Variants in ZNF236 observed in about 807,000 individuals in gnomAD.
ZNF236 encodes zinc finger protein 236.
A neutral mutation model predicts 191.2 loss-of-function variants in ZNF236; 50 were observed. That is an observed-to-expected ratio of 0.26 (90% CI 0.21 to 0.33). The LOEUF (loss-of-function observed/expected upper bound fraction) is 0.33, where lower values mean the gene tolerates loss of function less well. Ranked by LOEUF, ZNF236 falls within the 10% of genes least tolerant of loss-of-function variation. The probability of loss-of-function intolerance (pLI) is 1.00; values close to 1 mark genes in which losing one functional copy is unlikely to be tolerated. For missense variants in ZNF236, 1,754 were observed against 2,374.5 expected, an observed-to-expected ratio of 0.74 and a Z score of 5.43; for synonymous variants, 907 against 928.8, an observed-to-expected ratio of 0.98 and a Z score of 0.43.
At chr18:76,834,126 C>A (rs540785139) in intron 1 of ZNF236, among the ~76,000 whole-genome samples, 1 of 152,250 alleles carries the variant, frequency 6.6e-6, no homozygotes, top group East Asian at 1.9e-4. Flanking sequence ...AATTTATTAA[C>A]AGAACATTAT....
At chr18:76,904,346 A>G (rs372565972) in intron 11 of ZNF236, 34 bp from the exon 12 acceptor site, 68 of 1,572,580 alleles carry the variant, frequency 4.3e-5, no homozygotes, top group South Asian at 2.3e-4. Context: ...TAGCATTGAC[A>G]GTGAATTACA....
Position 76,955,467 on chromosome 18 carries a change from A to G in ZNF236, c.4915-518A>G, listed in dbSNP as rs186407796. Among the ~76,000 whole-genome samples the G allele has an allele frequency of 1.6e-3, 243 of 152,322 alleles. 1 individual carries two copies. The highest frequency in any genetic ancestry group is 3.3e-3 in the South Asian group (16 of 4,830). ...AATGATTTTTTCAAGTGGTGGTGGC[A>G]TCCCATTAAGATGATTTGAAAACCG... On this transcript the variant is annotated intron_variant, in intron 27 of 30. Transcript: ENST00000320610.
chr18:76,917,042 T>C (rs1017697321), intron 19 of ZNF236, among the ~76,000 whole-genome samples: 8 of 152,166 alleles, frequency 5.3e-5, no homozygotes, highest in African/African-American at 1.9e-4. Flanking sequence ...TTGCCTAAAC[T>C]CCCTCAAAGT....
intron 9 of ZNF236, among the ~76,000 whole-genome samples, chr18:76,893,464 T>G (rs1201390841): frequency 6.6e-6 from 1 of 152,208 alleles, no homozygotes; most frequent in Non-Finnish European, 1.5e-5. Context: ...TCTGTCACTG[T>G]GTTTAAAAAA....
intron 3 of ZNF236, among the ~76,000 whole-genome samples, chr18:76,853,047 T>C (rs1278070755): frequency 6.6e-6 from 1 of 152,132 alleles, no homozygotes; most frequent in Non-Finnish European, 1.5e-5. Context: ...TTATAAAATT[T>C]ACATTGTGAA....
intron 3 of ZNF236, among the ~76,000 whole-genome samples, chr18:76,863,685 C>A (rs994924834): frequency 6.6e-6 from 1 of 151,908 alleles, no homozygotes; most frequent in African/African-American, 2.4e-5. Context: ...ACCTCTGCCT[C>A]CAAAGTCCTG....
At chr18:76,879,623 G>A (rs143959962) in intron 7 of ZNF236, among the ~76,000 whole-genome samples, 1 of 152,236 alleles carries the variant, frequency 6.6e-6, no homozygotes, top group Non-Finnish European at 1.5e-5. Flanking sequence ...GGGTGGGACT[G>A]GCTCTCTCTC....
At chr18:76,842,644 G>A (rs2122466186) in intron 1 of ZNF236, among the ~76,000 whole-genome samples, 1 of 152,144 alleles carries the variant, frequency 6.6e-6, no homozygotes. Flanking sequence ...CCAGCTACTT[G>A]GGAGGCTGAG....
rs1339117575 is a variant in ZNF236 at position 76,881,333 on chromosome 18, C to G, written c.1238C>G (p.Pro413Arg). 8 of 1,614,042 alleles carry G rather than the reference C, an allele frequency of 5.0e-6. No homozygotes were observed. Among genetic ancestry groups the G allele is most frequent in the East Asian group, 4.5e-5 (2 of 44,890 alleles). The change falls in exon 9 of 31, where the codon CCT (proline) becomes CGT (arginine). Residue 413 changes from proline (P) to arginine (R), a missense_variant. By Grantham distance (103) the Pro-to-Arg change is moderately radical. Transcript: ENST00000320610. ...TCTTCAATTCCAGCTGCAGCACATC[C>G]TAATGACTCCTGCCATGCCAAGACC... ...GLSSIPAAAHPNDSCHAKTSA... is the reference protein window; with the variant it reads ...GLSSIPAAAHRNDSCHAKTSA...
At chr18:76,905,041 T>C (rs978732204) in intron 12 of ZNF236, 114 bp from the exon 13 acceptor site, 23 of 1,171,840 alleles carry the variant, frequency 2.0e-5, no homozygotes, top group Non-Finnish European at 2.5e-5. Context: ...CATTGCTGCT[T>C]AGCTTTAAAA....
At chr18:76,947,057 G>A (rs530371233) in intron 26 of ZNF236, among the ~76,000 whole-genome samples, 10 of 146,872 alleles carry the variant, frequency 6.8e-5, no homozygotes, top group Non-Finnish European at 1.1e-4. Context: ...CACCCTCACC[G>A]CTGCCCCTGG....
At chr18:76,935,569 G>A (rs1967967589) in intron 25 of ZNF236, among the ~76,000 whole-genome samples, 1 of 152,176 alleles carries the variant, frequency 6.6e-6, no homozygotes, top group Non-Finnish European at 1.5e-5. Context: ...TTTGCTGTGC[G>A]CTGGCTTCGC....
intron 1 of ZNF236, among the ~76,000 whole-genome samples, chr18:76,823,821 A>G (rs1974938317): frequency 6.6e-6 from 1 of 151,726 alleles, no homozygotes; most frequent in Admixed American, 6.6e-5. Flanking sequence ...GGTCGAGGGC[A>G]GTGGGGTAGG....
In ZNF236 at chr18:76,919,717, G is replaced by A; in HGVS notation, c.3275-59G>A. Reference sequence around the variant, plus strand: ...ATACCTATTTAGTTTTAATTGTTTTGCTAAAAACCTAGGTTTTCTTCATTA... The same window carrying A: ...ATACCTATTTAGTTTTAATTGTTTTACTAAAAACCTAGGTTTTCTTCATTA... On this transcript the variant is annotated intron_variant, in intron 19 of 30. Transcript: ENST00000320610. The surrounding 1 kb of genome is among the most constrained non-coding windows in gnomAD (Gnocchi z 5.3). 4 of 1,580,258 alleles carry A rather than the reference G, an allele frequency of 2.5e-6. No homozygotes were observed. The highest frequency in any genetic ancestry group is 3.5e-6 in the Non-Finnish European group (4 of 1,158,084).
intron 17 of ZNF236, among the ~76,000 whole-genome samples, chr18:76,913,040 C>T (rs569149102): frequency 1.3e-5 from 2 of 152,352 alleles, no homozygotes; most frequent in South Asian, 4.1e-4. Flanking sequence ...GTTGCCTCTA[C>T]GTGGGCACCC....
intron 1 of ZNF236, among the ~76,000 whole-genome samples, chr18:76,835,518 A>AAT (rs1469062246): frequency 8.4e-6 from 1 of 118,682 alleles, no homozygotes; most frequent in East Asian, 2.8e-4. Flanking sequence ...TGGTATAGTA[A>AAT]CTCTTATCAT....
intron 1 of ZNF236, among the ~76,000 whole-genome samples, chr18:76,836,577 A>T (rs931105414): frequency 1.9e-4 from 29 of 150,606 alleles, no homozygotes; most frequent in Admixed American, 8.0e-4. Flanking sequence ...TTATTTATTT[A>T]TTATTATTAT....
Position 76,927,786 on chromosome 18 carries a change from A to G in ZNF236, c.4415-141A>G. On this transcript the variant is annotated intron_variant, in intron 24 of 30. Transcript: ENST00000320610. This position sits in a 1 kb window ranked among gnomAD's most constrained non-coding sequence, Gnocchi z 5.4. Reference sequence around the variant, plus strand: ...GGCTTTCTTCTTAGACGAAGGAATTAGAGATGACTGATGCTTTGTTTTAAA... The same window carrying G: ...GGCTTTCTTCTTAGACGAAGGAATTGGAGATGACTGATGCTTTGTTTTAAA... 3.6e-6 allele frequency: 3 copies of G among 832,104 alleles called. No individual in the cohort carries two copies. The highest frequency in any genetic ancestry group is 5.4e-6 in the Non-Finnish European group (3 of 555,808). The allele number at this position is 832,104 out of a possible 1,614,324, so 51.5% of individuals were successfully genotyped here.
At position 76,840,343 on chromosome 18, in the gene ZNF236, A is replaced by T. The variant is rs1428789773; in HGVS notation, c.56-9183A>T. Among the ~76,000 whole-genome samples, 4 of 152,060 alleles carry T rather than the reference A, an allele frequency of 2.6e-5. No homozygotes were observed. The East Asian group carries it at 7.7e-4, about 29-fold the overall frequency. Reference sequence around the variant, plus strand: ...AACCCCATCTCTACTAAAAATACAAAATTAGCCAGGCGTGGTGGCACATGC... The same window carrying T: ...AACCCCATCTCTACTAAAAATACAATATTAGCCAGGCGTGGTGGCACATGC... On this transcript the variant is annotated intron_variant, in intron 1 of 30. Coordinates refer to ENST00000320610, the MANE Select transcript of ZNF236 (RefSeq NM_001306089.2).
Sources: allele counts gnomAD v4.1 joint callset (sites outside exome capture counted in the v4.1 genomes callset), GRCh38; gene constraint gnomAD v4.1.1; non-coding constraint Gnocchi (gnomAD v3.1); transcripts MANE v1.5; gene names NCBI Gene and HGNC (gene_info 2026-07-23, HGNC 2026-07-21).